The following PSD3 variants were observed in gnomAD, a reference collection of about 807,000 sequenced individuals.
PSD3 encodes pleckstrin and Sec7 domain containing 3, also known as PH and SEC7 domain-containing protein 3.
In PSD3, 49 loss-of-function variants were observed where a neutral mutation model predicts 105.5. The ratio of observed to expected loss-of-function variants is 0.46; its 90% CI spans 0.37 to 0.59. PSD3 has a LOEUF of 0.59. PSD3 is among the 20% of genes least tolerant of loss of function. The pLI, the probability that PSD3 is intolerant of heterozygous loss-of-function variation, is 0.00. For missense variants in PSD3, 1,561 were observed against 1,263.8 expected (o/e 1.24, Z -3.57); for synonymous variants, 557 against 457.8 (o/e 1.22, Z -2.77).
rs1032442813 is a variant in PSD3 at position 19,000,930 on chromosome 8, A to G, written c.21+12633T>C. 1.8e-4 allele frequency: 27 copies of G among 151,862 alleles called. 1 individual carries two copies. The highest frequency in any genetic ancestry group is 3.2e-3 in the Middle Eastern group (1 of 314). The allele number at this position is 151,862 out of a possible 1,614,324, so 9.4% of individuals were successfully genotyped here. A position where few individuals can be genotyped will look rare whatever the true frequency, so the allele number is the denominator to read the frequency against. On this transcript the variant is annotated intron_variant, in intron 1 of 15. Transcript: ENST00000327040. ...CACCACATATAGTCGTCCATCGGTA[A>G]AGTGGGGCATAAGTGGGGATTGGTC...
At chr8:18,592,911 G>T (rs975001476) in intron 12 of PSD3, among the ~76,000 whole-genome samples, 8 of 152,156 alleles carry the variant, frequency 5.3e-5, no homozygotes, top group East Asian at 1.9e-4. Flanking sequence ...GGGAAAACTG[G>T]CTAGCCATAT....
intron 1 of PSD3, among the ~76,000 whole-genome samples, chr8:18,982,370 T>C (rs1825288097): frequency 6.6e-6 from 1 of 152,226 alleles, no homozygotes; most frequent in Admixed American, 6.5e-5. Context: ...ATCAACTTCT[T>C]CTAAACTCCT....
At chr8:18,793,688 T>C (rs960402518) in intron 8 of PSD3, among the ~76,000 whole-genome samples, 2 of 152,170 alleles carry the variant, frequency 1.3e-5, no homozygotes, top group African/African-American at 4.8e-5. Flanking sequence ...ATAGCTTTCA[T>C]GGCAGATGGC....
At chr8:18,551,836 T>C (rs908570686) in intron 15 of PSD3, among the ~76,000 whole-genome samples, 1 of 152,150 alleles carries the variant, frequency 6.6e-6, no homozygotes, top group African/African-American at 2.4e-5. Context: ...GAAGGGACTA[T>C]TAATTCCAAG....
intron 7 of PSD3, 21 bp downstream of exon 7, chr8:18,801,249 C>G (rs951398387): frequency 2.1e-6 from 3 of 1,411,070 alleles, no homozygotes; most frequent in Non-Finnish European, 2.9e-6. Context: ...AAAAGAAATT[C>G]AAGGATTTGT....
intron 9 of PSD3, among the ~76,000 whole-genome samples, chr8:18,726,110 A>T (rs1803318129): frequency 6.6e-6 from 1 of 152,204 alleles, no homozygotes; most frequent in Admixed American, 6.5e-5. Context: ...AGAGGAGAAG[A>T]TGAATGTGGT....
rs117628793 is a variant in PSD3, at chr8:18,641,142, G to A, written c.2217-8336C>T. Among the ~76,000 whole-genome samples, 1,051 of 152,268 alleles carry A rather than the reference G, an allele frequency of 6.9e-3. 7 individuals carry two copies. Among genetic ancestry groups the A allele is most frequent in the South Asian group, 0.054 (259 of 4,822 alleles). On this transcript the variant is annotated intron_variant, in intron 10 of 15. Transcript: ENST00000327040. Reference sequence around the variant, plus strand: ...TAGCCAGAACATTACAGAAGGGTAGGGGTTATAAATCAGGTCCCAAAGTCC... The same window carrying A: ...TAGCCAGAACATTACAGAAGGGTAGAGGTTATAAATCAGGTCCCAAAGTCC...
intron 15 of PSD3, among the ~76,000 whole-genome samples, chr8:18,537,186 A>G (rs1453310166): frequency 6.6e-6 from 1 of 152,210 alleles, no homozygotes; most frequent in African/African-American, 2.4e-5. Flanking sequence ...ACATTTATTG[A>G]GTACCAACAG....
intron 9 of PSD3, chr8:18,733,231 A>T (rs1168299408): frequency 6.6e-6 from 1 of 152,168 alleles, no homozygotes; most frequent in Admixed American, 6.5e-5. Flanking sequence ...ATTGTTAGGG[A>T]AAAAAGGAAA....
At chr8:18,635,397 G>C (rs750084057) in intron 10 of PSD3, among the ~76,000 whole-genome samples, 2 of 152,076 alleles carry the variant, frequency 1.3e-5, no homozygotes, top group African/African-American at 4.8e-5. Context: ...ATATAACAAT[G>C]TGTGGTCAAC....
chr8:19,046,574 G>A (rs972732368), intron 1 of PSD3, among the ~76,000 whole-genome samples: 2 of 152,108 alleles, frequency 1.3e-5, no homozygotes, highest in Non-Finnish European at 2.9e-5. Flanking sequence ...ACTCAATCTT[G>A]GCACTGTATT....
intron 11 of PSD3, among the ~76,000 whole-genome samples, chr8:18,618,698 G>T (rs189913676): frequency 3.3e-5 from 5 of 151,664 alleles, no homozygotes; most frequent in African/African-American, 4.8e-5. Context: ...TTTCTAATGG[G>T]ATATTCTTTT....
chr8:19,013,566 T>C lies in PSD3; in HGVS notation c.18A>G (p.Ala6=), dbSNP rs760816800. 2.6e-6 allele frequency: 4 copies of C among 1,554,094 alleles called. No individual in the cohort carries two copies. The highest frequency in any genetic ancestry group is 1.7e-6 in the Non-Finnish European group (2 of 1,158,994). Residue 6 remains alanine (A), a synonymous_variant, in exon 1 of 16, where the codon GCA becomes GCG. Coordinates refer to ENST00000327040, the MANE Select transcript of PSD3 (RefSeq NM_015310.4). ...GCGCCCCGGCCCCGGAGCTCACCGC[T>C]GCGCTCCTTCCTTCCATCTTCCATC... MEGRS[A]AAETFVWVNN...
At chr8:18,805,667 C>G (rs1811136467) in intron 4 of PSD3, among the ~76,000 whole-genome samples, 1 of 152,096 alleles carries the variant, frequency 6.6e-6, no homozygotes, top group African/African-American at 2.4e-5. Context: ...TTTGTAACAT[C>G]ACACATTGGT....
intron 1 of PSD3, among the ~76,000 whole-genome samples, chr8:18,954,280 G>C (rs537303473): frequency 6.6e-6 from 1 of 152,168 alleles, no homozygotes; most frequent in African/African-American, 2.4e-5. Flanking sequence ...CCCAAGATTT[G>C]GGGAGGGGTT....
intron 11 of PSD3, among the ~76,000 whole-genome samples, chr8:18,608,314 T>C (rs1805014911): frequency 1.3e-5 from 2 of 152,200 alleles, no homozygotes; most frequent in South Asian, 4.1e-4. Context: ...CCACAGTAAA[T>C]GGTCTGTACC....
intron 8 of PSD3, among the ~76,000 whole-genome samples, chr8:18,781,511 T>TTCA (rs1808622034): frequency 6.6e-6 from 1 of 152,082 alleles, no homozygotes; most frequent in South Asian, 2.1e-4. Context: ...ACTTTGGGGG[T>TTCA]AGGGTTGTAT....
At chr8:19,020,394 T>A (rs555615098) in intron 1 of PSD3, among the ~76,000 whole-genome samples, 1 of 152,176 alleles carries the variant, frequency 6.6e-6, no homozygotes, top group African/African-American at 2.4e-5. Context: ...CATGCAAATA[T>A]GTAACTATAA....
At chr8:19,031,929 A>G (rs573690973) in intron 1 of PSD3, among the ~76,000 whole-genome samples, 1 of 152,314 alleles carries the variant, frequency 6.6e-6, no homozygotes, top group Non-Finnish European at 1.5e-5. Flanking sequence ...GAAACATCAT[A>G]ATATTTTACT....
Sources: allele counts gnomAD v4.1 joint callset (sites outside exome capture counted in the v4.1 genomes callset), GRCh38; gene constraint gnomAD v4.1.1; transcripts MANE v1.5; gene names NCBI Gene and HGNC (gene_info 2026-07-23, HGNC 2026-07-21).